The following TMEM154 variants were observed in gnomAD, a reference collection of about 807,000 sequenced individuals.
TMEM154 encodes the protein transmembrane protein 154.
TMEM154 carries 27 observed loss-of-function variants against 24.5 expected under a neutral mutation model. That is an observed-to-expected ratio of 1.10 (90% CI 0.81 to 1.52). The LOEUF (loss-of-function observed/expected upper bound fraction) is 1.52, where lower values mean the gene tolerates loss of function less well. Among genes scored for constraint, TMEM154 ranks in the 40% most tolerant of loss-of-function variants. The pLI is 0.00. For synonymous variants in TMEM154, 67 were observed against 76.8 expected (o/e 0.87, Z 0.67); for missense variants, 228 against 213.4 (o/e 1.07, Z -0.43).
chr4:152,674,897 T>C lies in TMEM154; in HGVS notation c.64+4973A>G, dbSNP rs1006322803. Among the ~76,000 whole-genome samples the C allele has an allele frequency of 4.6e-5, 7 of 152,110 alleles. No individual in the cohort carries two copies. The South Asian group carries it at 1.4e-3, about 32-fold the overall frequency. ...AAGGCCAGGTGCGGTGGCTCATGCCTGTAATCCCAACACACTGGGAAGCCG... is the reference window on the plus strand; with the variant it reads ...AAGGCCAGGTGCGGTGGCTCATGCCCGTAATCCCAACACACTGGGAAGCCG... On this transcript the variant is annotated intron_variant, in intron 1 of 6. Coordinates refer to ENST00000304385, the MANE Select transcript of TMEM154 (RefSeq NM_152680.3).
intron 5 of TMEM154, among the ~76,000 whole-genome samples, chr4:152,641,903 C>CTTTTTTTATTT (rs1752264941): frequency 2.4e-5 from 1 of 41,480 alleles, no homozygotes; most frequent in Non-Finnish European, 4.0e-5. Context: ...AGCAATAATT[C>CTTTTTTTATTT]TTTTTTTTTT....
intron 3 of TMEM154, among the ~76,000 whole-genome samples, chr4:152,645,664 C>T (rs530145753): frequency 6.6e-6 from 1 of 152,300 alleles, no homozygotes; most frequent in East Asian, 1.9e-4. Flanking sequence ...TATTGTCTGT[C>T]CTGGAGAAAT....
chr4:152,647,880 AGAGTCACG>A (rs2149782784), intron 3 of TMEM154, among the ~76,000 whole-genome samples: 1 of 152,336 alleles, frequency 6.6e-6, no homozygotes, highest in South Asian at 2.1e-4. Flanking sequence ...ACTTAATCAG[AGAGTCACG>A]GTGCCAGGAA....
chr4:152,628,586 A>AC, intron 6 of TMEM154, 25 bp from the exon 7 acceptor site: 5 of 1,094,966 alleles, frequency 4.6e-6, no homozygotes, highest in Non-Finnish European at 3.6e-6. Context: ...AAAAAAAAAA[A>AC]AAAAAACAAA....
rs892128868 is a variant in TMEM154, at chr4:152,620,893, A to G, written c.*7653T>C. 3 of 152,236 alleles carry G rather than the reference A, an allele frequency of 2.0e-5. No individual in the cohort carries two copies. Among genetic ancestry groups the G allele is most frequent in the African/African-American group, 7.2e-5 (3 of 41,452 alleles). The allele number at this position is 152,236 out of a possible 1,614,324, so 9.4% of individuals were successfully genotyped here. ...AAACTTGTGCTTTGGAGTTGGAAAG[A>G]CATGGAACAAGGTATAAGTTCTCTA... On this transcript the variant is annotated 3_prime_UTR_variant, in exon 7 of 7. Coordinates refer to ENST00000304385, the MANE Select transcript of TMEM154 (RefSeq NM_152680.3).
At chr4:152,676,145 T>C (rs372130726) in intron 1 of TMEM154, among the ~76,000 whole-genome samples, 1 of 152,334 alleles carries the variant, frequency 6.6e-6, no homozygotes, top group East Asian at 1.9e-4. Context: ...GTGCTCACTC[T>C]GCACCTCTTT....
intron 1 of TMEM154, among the ~76,000 whole-genome samples, chr4:152,660,534 C>T (rs527340976): frequency 6.6e-6 from 1 of 152,140 alleles, no homozygotes; most frequent in South Asian, 2.1e-4. Context: ...ACCATTTTTT[C>T]AGATAGACAT....
At chr4:152,628,985 C>T (rs1751980049) in intron 6 of TMEM154, among the ~76,000 whole-genome samples, 1 of 152,120 alleles carries the variant, frequency 6.6e-6, no homozygotes, top group Non-Finnish European at 1.5e-5. Context: ...GAGCTGGTCA[C>T]TCCATTATGG....
At chr4:152,641,093 G>T in intron 5 of TMEM154, 108 bp from the exon 6 acceptor site, 2 of 1,003,150 alleles carry the variant, frequency 2.0e-6, no homozygotes, top group Non-Finnish European at 2.9e-6. Context: ...GTGGTTACTT[G>T]CACAAAAATG....
Position 152,652,869 on chromosome 4 carries a change from A to G in TMEM154, c.123T>C (p.Asn41=). The G allele has an allele frequency of 6.2e-7, 1 of 1,613,784 alleles. No homozygotes were observed. The highest frequency in any genetic ancestry group is 8.5e-7 in the Non-Finnish European group (1 of 1,179,874). ...GDTTVESERP[N]KVTIPSTFAA... ...CAAATGTGCTTGGAATAGTCACTTT[A>G]TTTGGTCTTTCAGATTCCACAGTTG... Residue 41 remains asparagine (N), a synonymous_variant, in exon 2 of 7, where the codon AAT becomes AAC. Coordinates refer to ENST00000304385, the MANE Select transcript of TMEM154 (RefSeq NM_152680.3).
At chr4:152,633,941 T>C (rs553434691) in intron 6 of TMEM154, among the ~76,000 whole-genome samples, 1 of 148,222 alleles carries the variant, frequency 6.7e-6, no homozygotes, top group East Asian at 2.0e-4. Flanking sequence ...GGTGGGAGGG[T>C]TGCCTGAGAC....
In TMEM154 at chr4:152,618,695, C is replaced by T. The variant is rs1751801103; in HGVS notation, c.*9851G>A. The T allele has an allele frequency of 6.6e-6, 1 of 152,190 alleles. No individual in the cohort carries two copies. The highest frequency in any genetic ancestry group is 1.5e-5 in the Non-Finnish European group (1 of 68,042). The allele number at this position is 152,190 out of a possible 1,614,324, so 9.4% of individuals were successfully genotyped here. ...GGCTCCATCCCCAGTTTTCCTTCAC[C>T]TTCCAAATTGGGGCCACTTTCTCTC... On this transcript the variant is annotated 3_prime_UTR_variant, in exon 7 of 7. Transcript: ENST00000304385.
Position 152,640,986 on chromosome 4 carries a change from C to T in TMEM154, c.479-1G>A. Reference sequence around the variant, plus strand: ...AAGGTAGGTAAACATTCAAAGTCGGCTAGGACAGAATAAAAGCAAACTCAT... The same window carrying T: ...AAGGTAGGTAAACATTCAAAGTCGGTTAGGACAGAATAAAAGCAAACTCAT... On this transcript the variant is annotated splice_acceptor_variant, in intron 5 of 6. Transcript: ENST00000304385. LOFTEE classifies it high-confidence loss of function. 3 of 1,607,606 alleles carry T rather than the reference C, an allele frequency of 1.9e-6. No individual in the cohort carries two copies. The highest frequency in any genetic ancestry group is 2.5e-6 in the Non-Finnish European group (3 of 1,177,524).
chr4:152,633,370 C>T (rs1050840071), intron 6 of TMEM154, among the ~76,000 whole-genome samples: 1 of 152,240 alleles, frequency 6.6e-6, no homozygotes, highest in Non-Finnish European at 1.5e-5. Context: ...GGGACCTGGC[C>T]TGCCACTTGT....
In TMEM154 at chr4:152,621,827, T is replaced by C. The variant is rs1040131201; in HGVS notation, c.*6719A>G. On this transcript the variant is annotated 3_prime_UTR_variant, in exon 7 of 7. Coordinates refer to ENST00000304385, the MANE Select transcript of TMEM154 (RefSeq NM_152680.3). ...TTTCCATTTTTACTAGAATTTTTTT[T>C]TTTTTTGAGATGGAGTTTCACTCTG... 1.3e-5 allele frequency: 2 copies of C among 152,150 alleles called. No homozygotes were observed. The highest frequency in any genetic ancestry group is 2.9e-5 in the Non-Finnish European group (2 of 68,032). The allele number at this position is 152,150 out of a possible 1,614,324, so 9.4% of individuals were successfully genotyped here.
At chr4:152,630,911 C>G (rs1752027153) in intron 6 of TMEM154, among the ~76,000 whole-genome samples, 1 of 152,172 alleles carries the variant, frequency 6.6e-6, no homozygotes. Context: ...ATGTAAACAT[C>G]TGTCTCTGCT....
intron 1 of TMEM154, among the ~76,000 whole-genome samples, chr4:152,656,865 G>A (rs1728502190): frequency 6.6e-6 from 1 of 151,816 alleles, no homozygotes; most frequent in South Asian, 2.1e-4. Flanking sequence ...AGGTTGCGGT[G>A]AGCCAAGATC....
At chr4:152,648,368 G>A (rs1257959707) in intron 3 of TMEM154, among the ~76,000 whole-genome samples, 1 of 152,000 alleles carries the variant, frequency 6.6e-6, no homozygotes, top group African/African-American at 2.4e-5. Flanking sequence ...GGTGGCACAG[G>A]CCTGTGGTAC....
In TMEM154 at chr4:152,628,750, C is replaced by T. The variant is rs570324047; in HGVS notation, c.537-189G>A. ...CTCCCAGGTTCAGGTCATTCTCCTG[C>T]CTCAGCCTCCTGAGTAGCTGGGACT... is the stretch of plus-strand genomic sequence containing the variant. On this transcript the variant is annotated intron_variant, in intron 6 of 6. Transcript: ENST00000304385. 2.0e-3 allele frequency among the ~76,000 whole-genome samples: 302 copies of T among 150,632 alleles called. 2 individuals carry two copies. The highest frequency in any genetic ancestry group is 6.5e-3 in the African/African-American group (267 of 41,088).
Sources: allele counts gnomAD v4.1 joint callset (sites outside exome capture counted in the v4.1 genomes callset), GRCh38; gene constraint gnomAD v4.1.1; transcripts MANE v1.5; gene names NCBI Gene and HGNC (gene_info 2026-07-23, HGNC 2026-07-21).